ASB8: variants seen among roughly 807,000 people sequenced by gnomAD.
ASB8 encodes ankyrin repeat and SOCS box containing 8.
ASB8 carries 15 observed loss-of-function variants against 22.9 expected under a neutral mutation model. That is an observed-to-expected ratio of 0.66 (90% confidence interval 0.44 to 1.01). The LOEUF (loss-of-function observed/expected upper bound fraction) is 1.01, where lower values mean the gene tolerates loss of function less well. Among genes scored for constraint, ASB8 ranks in the 50% least tolerant of loss-of-function variants. The pLI is 0.00. For missense variants in ASB8, 294 were observed against 356.9 expected, an observed-to-expected ratio of 0.82 and a Z score of 1.42; for synonymous variants, 124 against 140.8, an observed-to-expected ratio of 0.88 and a Z score of 0.84.
intron 3 of ASB8, among the ~76,000 whole-genome samples, chr12:48,150,348 C>G (rs942548563): frequency 3.3e-5 from 5 of 152,198 alleles, no homozygotes; most frequent in Non-Finnish European, 5.9e-5. Context: ...CCCGTAACTG[C>G]TCTGAAACAT....
intron 1 of ASB8, among the ~76,000 whole-genome samples, chr12:48,154,791 A>T (rs1257724919): frequency 6.6e-6 from 1 of 152,002 alleles, no homozygotes; most frequent in African/African-American, 2.4e-5. Flanking sequence ...TACAAAAAAA[A>T]TTAGCTGGGC....
intron 1 of ASB8, among the ~76,000 whole-genome samples, chr12:48,155,780 AT>A (rs537950041): frequency 0.018 from 2,122 of 117,936 alleles, 43 homozygotes; most frequent in African/African-American, 0.048. Flanking sequence ...CTTTTGCTTT[AT>A]TTTTTTTTTT....
chr12:48,150,890 C>A, intron 3 of ASB8: 1 of 507,590 alleles, frequency 2.0e-6, no homozygotes, highest in South Asian at 2.9e-5. Context: ...TAAACAGCCC[C>A]TACAAGGTAA....
At position 48,149,232 on chromosome 12, in the gene ASB8, G is replaced by A. The variant is rs1951153549; in HGVS notation, c.*134C>T. ...AAGGGGAGGTGCTATGGAGGTTATT[G>A]TTGTGACATGTTGCTTCGAAATCTA... On this transcript the variant is annotated 3_prime_UTR_variant, in exon 4 of 4. Transcript: ENST00000317697. 10 of 971,412 alleles carry A rather than the reference G, an allele frequency of 1.0e-5. No individual in the cohort carries two copies. In the South Asian group the frequency reaches 1.7e-4, roughly 17 times the overall value. 60.2% of individuals were successfully genotyped at this position (971,412 alleles called of 1,614,324 possible). A position where few individuals can be genotyped will look rare whatever the true frequency, so the allele number is the denominator to read the frequency against.
intron 1 of ASB8, 88 bp from the exon 2 acceptor site, chr12:48,153,617 A>G: frequency 2.0e-6 from 2 of 1,016,946 alleles, no homozygotes; most frequent in East Asian, 5.2e-5. Flanking sequence ...TCCCAATGCT[A>G]AAAGCAGATT....
chr12:48,149,473 C>T lies in ASB8; in HGVS notation c.760G>A (p.Ala254Thr), dbSNP rs772325422. 359 of 1,613,974 alleles carry T rather than the reference C, an allele frequency of 2.2e-4. No individual in the cohort carries two copies. Among genetic ancestry groups the T allele is most frequent in the Non-Finnish European group, 2.9e-4 (337 of 1,179,996 alleles). Residue 254 changes from alanine to threonine, a missense_variant, in exon 4 of 4, where the codon GCT becomes ACT. Physicochemically the swap from Ala to Thr is moderately conservative, Grantham distance 58. Transcript: ENST00000317697. Reference sequence around the variant, plus strand: ...AGGCTACGGCGCACGGCATAGCGAGCGAGTGTTTTTAGAGTTCCTGGAGCT... The same window carrying T: ...AGGCTACGGCGCACGGCATAGCGAGTGAGTGTTTTTAGAGTTCCTGGAGCT... ...CSAPGTLKTL[A>T]RYAVRRSLGL...
chr12:48,150,197 TC>T (rs1420248959), intron 3 of ASB8, 199 bp from the exon 4 acceptor site: 1 of 712,366 alleles, frequency 1.4e-6, no homozygotes, highest in African/African-American at 1.7e-5. Flanking sequence ...AAAAGAACTG[TC>T]CTCAAACAGT....
intron 1 of ASB8, among the ~76,000 whole-genome samples, chr12:48,155,257 A>G (rs977525357): frequency 6.6e-6 from 1 of 152,208 alleles, no homozygotes; most frequent in Non-Finnish European, 1.5e-5. Flanking sequence ...TTCTTATTAT[A>G]AGCTCTTTGG....
intron 3 of ASB8, among the ~76,000 whole-genome samples, chr12:48,150,409 T>C (rs377563858): frequency 7.9e-5 from 12 of 152,386 alleles, no homozygotes; most frequent in South Asian, 4.1e-4. Context: ...TTACTTACCC[T>C]GACCCTTTCT....
Position 48,149,857 on chromosome 12 carries a change from CT to C in ASB8, c.375del (p.Ala126ProfsTer13). 1 of 1,614,226 alleles carries C rather than the reference CT, an allele frequency of 6.2e-7. No individual in the cohort carries two copies. The highest frequency in any genetic ancestry group is 8.5e-7 in the Non-Finnish European group (1 of 1,180,040). On this transcript the variant is annotated frameshift_variant, in exon 4 of 4. Coordinates refer to ENST00000317697, the MANE Select transcript of ASB8 (RefSeq NM_024095.5). LOFTEE classifies it high-confidence loss of function. ...DGNRDTPLHW[A>X]AFKNNAECVR... ...ACACACTCAGCATTGTTCTTAAAGGCTGCCCAGTGAAGTGGGGTATCTCTGT... is the reference window on the plus strand; with the variant it reads ...ACACACTCAGCATTGTTCTTAAAGGCGCCCAGTGAAGTGGGGTATCTCTGT...
In ASB8 at chr12:48,149,220, A is replaced by G. The variant is rs996800689; in HGVS notation, c.*146T>C. 11 of 839,418 alleles carry G rather than the reference A, an allele frequency of 1.3e-5. No homozygotes were observed. The highest frequency in any genetic ancestry group is 1.8e-5 in the Non-Finnish European group (10 of 556,224). The allele number at this position is 839,418 out of a possible 1,614,324, so 52.0% of individuals were successfully genotyped here. ...GTTTGGTTTGGGAAGGGGAGGTGCT[A>G]TGGAGGTTATTGTTGTGACATGTTG... On this transcript the variant is annotated 3_prime_UTR_variant, in exon 4 of 4. Coordinates refer to ENST00000317697, the MANE Select transcript of ASB8 (RefSeq NM_024095.5).
intron 1 of ASB8, among the ~76,000 whole-genome samples, chr12:48,154,200 G>A (rs1179598033): frequency 6.6e-6 from 1 of 152,114 alleles, no homozygotes; most frequent in East Asian, 1.9e-4. Context: ...GAAATATTTG[G>A]CAGGGCGTGG....
chr12:48,153,434 G>C lies in ASB8; in HGVS notation c.63C>G (p.Arg21=). 2 of 1,613,740 alleles carry C rather than the reference G, an allele frequency of 1.2e-6. No individual in the cohort carries two copies. Among genetic ancestry groups the C allele is most frequent in the Non-Finnish European group, 1.7e-6 (2 of 1,179,632 alleles). The change falls in exon 2 of 4, where the codon CGC becomes CGG. Residue 21 remains arginine (R), a synonymous_variant. Transcript: ENST00000317697. ...SIQSKYSLSE[R]LIRTIAAIRS... ...GGATGGCAGCAATTGTTCGGATTAA[G>C]CGCTCGGAGAGAGAGTATTTGCTCT...
Position 48,149,469 on chromosome 12 carries a change from C to T in ASB8, c.764G>A (p.Arg255His), listed in dbSNP as rs1372726353. Residue 255 changes from arginine to histidine, a missense_variant, in exon 4 of 4, where the codon CGC becomes CAC. Coordinates refer to ENST00000317697, the MANE Select transcript of ASB8 (RefSeq NM_024095.5). Reference sequence around the variant, plus strand: ...TCCCAGGCTACGGCGCACGGCATAGCGAGCGAGTGTTTTTAGAGTTCCTGG... The same window carrying T: ...TCCCAGGCTACGGCGCACGGCATAGTGAGCGAGTGTTTTTAGAGTTCCTGG... ...SAPGTLKTLA[R>H]YAVRRSLGLQ... The T allele has an allele frequency of 8.7e-6, 14 of 1,614,014 alleles. No individual in the cohort carries two copies. The East Asian group carries it at 2.0e-4, about 23-fold the overall frequency.
At chr12:48,154,270 G>A (rs1951255590) in intron 1 of ASB8, among the ~76,000 whole-genome samples, 1 of 151,478 alleles carries the variant, frequency 6.6e-6, no homozygotes, top group African/African-American at 2.4e-5. Flanking sequence ...CACAAGGTCA[G>A]GAGATCCAGA....
intron 1 of ASB8, among the ~76,000 whole-genome samples, chr12:48,156,698 T>C (rs182774267): frequency 4.6e-5 from 7 of 152,278 alleles, no homozygotes; most frequent in African/African-American, 1.7e-4. Context: ...AATCCTGAAC[T>C]AATTTCCCGG....
rs762023519 is a variant in ASB8, at chr12:48,149,824, G to GA, written c.408dup (p.Leu137SerfsTer16). On this transcript the variant is annotated frameshift_variant, in exon 4 of 4. Coordinates refer to ENST00000317697, the MANE Select transcript of ASB8 (RefSeq NM_024095.5). LOFTEE classifies it high-confidence loss of function. ...TTGACAGAGGCCCCGCTCTCTAGGAGAGCCCGCACACACTCAGCATTGTTC... is the reference window on the plus strand; with the variant it reads ...TTGACAGAGGCCCCGCTCTCTAGGAGAAGCCCGCACACACTCAGCATTGTTC... 6.8e-6 allele frequency: 11 copies of GA among 1,614,022 alleles called. No individual in the cohort carries two copies. In the South Asian group the frequency reaches 1.2e-4, roughly 18 times the overall value.
chr12:48,151,004 T>TA (rs1214578118), intron 3 of ASB8, 197 bp downstream of exon 3: 9 of 612,294 alleles, frequency 1.5e-5, no homozygotes, highest in Admixed American at 8.5e-5. Flanking sequence ...GACAGAAAGG[T>TA]AAAAGAATGA....
In ASB8 at chr12:48,153,471, A is replaced by C. The variant is rs1486345214; in HGVS notation, c.26T>G (p.Met9Arg). Residue 9 changes from methionine (M) to arginine (R), a missense_variant, in exon 2 of 4, where the codon ATG becomes AGG. Transcript: ENST00000317697. ...AGAGTATTTGCTCTGAATGCTCTGC[A>C]TAATATACCACATACTGGAACTCAT... MSSSMWYI[M>R]QSIQSKYSLS... 3 of 1,613,950 alleles carry C rather than the reference A, an allele frequency of 1.9e-6. No homozygotes were observed. The highest frequency in any genetic ancestry group is 2.5e-6 in the Non-Finnish European group (3 of 1,179,820).
Sources: allele counts gnomAD v4.1 joint callset (sites outside exome capture counted in the v4.1 genomes callset), GRCh38; gene constraint gnomAD v4.1.1; transcripts MANE v1.5; gene names NCBI Gene and HGNC (gene_info 2026-07-23, HGNC 2026-07-21).